The following SVIL variants were observed in gnomAD, a reference collection of about 807,000 sequenced individuals.
The protein encoded by SVIL is supervillin.
Under a neutral mutation model 240.4 loss-of-function variants are expected in SVIL, and 101 were observed. That is an observed-to-expected ratio of 0.42 (90% CI 0.36 to 0.50). The LOEUF is 0.50. Ranked by LOEUF, SVIL falls within the 20% of genes least tolerant of loss-of-function variation. The probability of loss-of-function intolerance (pLI) is 0.01; values close to 1 mark genes in which losing one functional copy is unlikely to be tolerated. For missense variants in SVIL, 2,512 were observed against 2,818.7 expected, an observed-to-expected ratio of 0.89 and a Z score of 2.46; for synonymous variants, 999 against 1,100.0, an observed-to-expected ratio of 0.91 and a Z score of 1.82.
chr10:29,465,697 C>T lies in SVIL; in HGVS notation c.6031G>A (p.Gly2011Arg). The change falls in exon 34 of 38, where the codon GGG (glycine) becomes AGG (arginine). Residue 2011 changes from glycine to arginine, a missense_variant. Gly to Arg is a moderately radical substitution (Grantham distance 125, BLOSUM62 -2). Transcript: ENST00000355867. ...PRLFILSSSS[G>R]DFAATEFVYP... is the part of the protein sequence containing the mutation. ...ACAAACTCTGTGGCTGCAAAATCCC[C>T]AGAGGAGCTGCTGAGGATGAACAGG... The T allele has an allele frequency of 6.2e-7, 1 of 1,613,292 alleles. No individual in the cohort carries two copies. Among genetic ancestry groups the T allele is most frequent in the South Asian group, 1.1e-5 (1 of 91,054 alleles).
At chr10:29,509,638 TG>T (rs1483537562) in intron 17 of SVIL, among the ~76,000 whole-genome samples, 2 of 151,718 alleles carry the variant, frequency 1.3e-5, no homozygotes, top group African/African-American at 4.8e-5. Context: ...CACCTGAGGT[TG>T]GGAGTTTGAG....
intron 21 of SVIL, among the ~76,000 whole-genome samples, chr10:29,492,649 C>G (rs1266716071): frequency 6.6e-6 from 1 of 152,102 alleles, no homozygotes; most frequent in Non-Finnish European, 1.5e-5. Context: ...CTCCTAATAC[C>G]ATAATCACTT....
At chr10:29,553,920 C>T (rs945218668) in intron 5 of SVIL, among the ~76,000 whole-genome samples, 7 of 152,180 alleles carry the variant, frequency 4.6e-5, no homozygotes, top group African/African-American at 1.7e-4. Context: ...GCTCCCTGTA[C>T]TGGGGTAGAA....
chr10:29,581,260 G>T (rs1236164441), intron 1 of SVIL, among the ~76,000 whole-genome samples: 1 of 152,166 alleles, frequency 6.6e-6, no homozygotes. Flanking sequence ...TGCCTGACCT[G>T]AGAAAATTGC....
At chr10:29,660,387 G>A (rs114266866) in intron 2 of SVIL, among the ~76,000 whole-genome samples, 2,947 of 152,248 alleles carry the variant, frequency 0.019, 95 homozygotes, top group African/African-American at 0.064. Context: ...CAAAGTGAGA[G>A]GATCAATTGA....
rs751198304 is a variant in SVIL, at chr10:29,542,136, G to A, written c.828-6067C>T. Among the ~76,000 whole-genome samples, 9 of 152,208 alleles carry A rather than the reference G, an allele frequency of 5.9e-5. 1 individual carries two copies. Among genetic ancestry groups the A allele is most frequent in the Admixed American group, 6.5e-5 (1 of 15,286 alleles). On this transcript the variant is annotated intron_variant, in intron 6 of 37. Transcript: ENST00000355867. ...AGGAAACCAAACACAATTTGCATTT[G>A]GGTGCGAGTGTCTCATAGTTGTGTG...
chr10:29,704,968 C>T (rs1272858844), intron 1 of SVIL, among the ~76,000 whole-genome samples: 10 of 152,118 alleles, frequency 6.6e-5, no homozygotes, highest in African/African-American at 9.7e-5. Context: ...TTGAGATGTA[C>T]GCAATGGATC....
intron 32 of SVIL, 132 bp from the exon 33 acceptor site, chr10:29,468,007 T>C (rs1291737887): frequency 3.0e-6 from 3 of 1,003,484 alleles, no homozygotes; most frequent in African/African-American, 3.3e-5. Flanking sequence ...TAAAATTCAC[T>C]CTTTTTATGT....
intron 21 of SVIL, among the ~76,000 whole-genome samples, chr10:29,491,523 T>A (rs1285265102): frequency 1.3e-5 from 2 of 152,218 alleles, no homozygotes; most frequent in Non-Finnish European, 2.9e-5. Flanking sequence ...CCTCCATGAC[T>A]AGCTTCCACT....
chr10:29,607,364 C>T (rs17174218), intron 1 of SVIL, among the ~76,000 whole-genome samples: 2,440 of 152,208 alleles, frequency 0.016, 65 homozygotes, highest in African/African-American at 0.051. Context: ...ATGTGAACTT[C>T]GGAATCTCCT....
At position 29,708,039 on chromosome 10, in the gene SVIL, C is replaced by T. The variant is rs186393639; in HGVS notation, c.-399-21388G>A. Among the ~76,000 whole-genome samples, 849 of 150,924 alleles carry T rather than the reference C, an allele frequency of 5.6e-3. 7 individuals carry two copies. Among genetic ancestry groups the T allele is most frequent in the African/African-American group, 0.02 (803 of 41,114 alleles). On this transcript the variant is annotated intron_variant, in intron 1 of 35. Coordinates refer to the SVIL transcript ENST00000375400. ...TTGGGAGGCCGAGGCAGGTGGATCA[C>T]GAGGTCAGGAGATGGAGACCATCCT... is the stretch of plus-strand genomic sequence containing the variant.
chr10:29,693,838 T>A (rs144351740), intron 1 of SVIL, among the ~76,000 whole-genome samples: 71 of 152,346 alleles, frequency 4.7e-4, no homozygotes, highest in African/African-American at 1.6e-3. Flanking sequence ...TAATCAAATC[T>A]TCTTTCTTCA....
chr10:29,638,599 C>G (rs1958385697), upstream of SVIL, among the ~76,000 whole-genome samples: 1 of 152,122 alleles, frequency 6.6e-6, no homozygotes, highest in Non-Finnish European at 1.5e-5. Context: ...AACTGTACTT[C>G]ACATAAATCT....
chr10:29,477,067 G>A (rs1202730343), intron 29 of SVIL, among the ~76,000 whole-genome samples: 3 of 152,126 alleles, frequency 2.0e-5, no homozygotes, highest in African/African-American at 7.2e-5. Context: ...GTTTCACCAT[G>A]TTGGCCAGGA....
At chr10:29,501,633 G>A (rs542335314) in intron 17 of SVIL, among the ~76,000 whole-genome samples, 1 of 152,254 alleles carries the variant, frequency 6.6e-6, no homozygotes, top group East Asian at 1.9e-4. Flanking sequence ...ATTTCCCCTC[G>A]TGATCGGCGA....
chr10:29,520,081 T>C (rs1223993682), intron 16 of SVIL, among the ~76,000 whole-genome samples: 2 of 152,252 alleles, frequency 1.3e-5, no homozygotes, highest in South Asian at 2.1e-4. Context: ...TCAGGAATTA[T>C]TGCTTAGTGG....
In SVIL at chr10:29,484,650, G is replaced by C. The variant is rs535542996; in HGVS notation, c.4955+6C>G. The C allele has an allele frequency of 3.7e-6, 6 of 1,608,738 alleles. No homozygotes were observed. The highest frequency in any genetic ancestry group is 3.3e-4 in the Middle Eastern group (2 of 6,052). ...AAGAGCTGTCCCCGGGCGGCGGCAGGAGTACCTGGGGATAAGCGGATTGCA... is the reference window on the plus strand; with the variant it reads ...AAGAGCTGTCCCCGGGCGGCGGCAGCAGTACCTGGGGATAAGCGGATTGCA... On this transcript the variant is annotated splice_donor_region_variant and intron_variant, in intron 27 of 37. Coordinates refer to ENST00000355867, the MANE Select transcript of SVIL (RefSeq NM_021738.3). This position sits in a 1 kb window ranked among gnomAD's most constrained non-coding sequence, Gnocchi z 4.7.
At chr10:29,506,657 G>GGAGGGAGGGGACAGAGGCCCTA in intron 17 of SVIL, among the ~76,000 whole-genome samples, 1 of 90,972 alleles carries the variant, frequency 1.1e-5, no homozygotes, top group African/African-American at 3.7e-5. Context: ...CAGAGGCCCT[G>GGAGGGAGGGGACAGAGGCCCTA]GAGGGAGGGG....
At chr10:29,509,978 T>C (rs1299247711) in intron 17 of SVIL, among the ~76,000 whole-genome samples, 3 of 152,220 alleles carry the variant, frequency 2.0e-5, no homozygotes, top group Non-Finnish European at 4.4e-5. Flanking sequence ...ATACTGCTCA[T>C]TGCAGCCTCA....
Sources: allele counts gnomAD v4.1 joint callset (sites outside exome capture counted in the v4.1 genomes callset), GRCh38; gene constraint gnomAD v4.1.1; non-coding constraint Gnocchi (gnomAD v3.1); transcripts MANE v1.5; gene names NCBI Gene and HGNC (gene_info 2026-07-23, HGNC 2026-07-21).